The following PPM1L variants were observed in gnomAD, a reference collection of about 807,000 sequenced individuals.
PPM1L encodes protein phosphatase 1L.
A neutral mutation model predicts 31.4 loss-of-function variants in PPM1L; 13 were observed. That is an observed-to-expected ratio of 0.41 (90% CI 0.27 to 0.66). The LOEUF (loss-of-function observed/expected upper bound fraction) is 0.66, where lower values mean the gene tolerates loss of function less well. PPM1L is among the 30% of genes least tolerant of loss of function. The probability of loss-of-function intolerance (pLI) is 0.29; values close to 1 mark genes in which losing one functional copy is unlikely to be tolerated. For missense variants in PPM1L, 326 were observed against 453.7 expected (o/e 0.72, Z 2.56); for synonymous variants, 184 against 175.4 (o/e 1.05, Z -0.39).
At chr3:160,977,049 G>A (rs915646460) in intron 2 of PPM1L, among the ~76,000 whole-genome samples, 25 of 152,006 alleles carry the variant, frequency 1.6e-4, no homozygotes, top group Admixed American at 1.4e-3. Context: ...CTTTGAATGC[G>A]TCCCAGAGAT....
intron 2 of PPM1L, among the ~76,000 whole-genome samples, chr3:161,042,219 C>G (rs1718932964): frequency 6.6e-6 from 1 of 152,160 alleles, no homozygotes; most frequent in Non-Finnish European, 1.5e-5. Flanking sequence ...CTTTGGCCTC[C>G]CATTAAGCTG....
intron 1 of PPM1L, among the ~76,000 whole-genome samples, chr3:160,936,907 T>C (rs556407078): frequency 6.6e-6 from 1 of 152,364 alleles, no homozygotes; most frequent in Admixed American, 6.5e-5. Context: ...TGAATTTCAC[T>C]TGAAAAAACC....
At chr3:160,982,663 T>C (rs1716837840) in intron 2 of PPM1L, among the ~76,000 whole-genome samples, 1 of 152,212 alleles carries the variant, frequency 6.6e-6, no homozygotes, top group South Asian at 2.1e-4. Context: ...GCCTTTTGTA[T>C]TGTGTAGAGA....
chr3:161,033,066 AG>A (rs869160107), intron 2 of PPM1L, among the ~76,000 whole-genome samples: 1 of 72,142 alleles, frequency 1.4e-5, no homozygotes, highest in East Asian at 1.4e-3. Flanking sequence ...GTATCCTTTG[AG>A]ATAAGAGTCA....
At chr3:160,890,332 G>A (rs1713091791) in intron 1 of PPM1L, among the ~76,000 whole-genome samples, 1 of 152,036 alleles carries the variant, frequency 6.6e-6, no homozygotes, top group African/African-American at 2.4e-5. Flanking sequence ...TCACAAGCAT[G>A]CCTTTACACC....
intron 1 of PPM1L, chr3:160,882,419 AGTT>A (rs1712754354): frequency 6.6e-6 from 1 of 152,234 alleles, no homozygotes; most frequent in African/African-American, 2.4e-5. Flanking sequence ...GGATCAAGAT[AGTT>A]ATTAAACTGT....
chr3:161,048,523 G>A lies in PPM1L; in HGVS notation c.575-16880G>A, dbSNP rs183824452. ...CAACCATTGTGGAAGACAGTGTGGC[G>A]ATTCCTCAAGGATCTAGAACTAGAA... On this transcript the variant is annotated intron_variant, in intron 2 of 3. Transcript: ENST00000498165. 5.3e-3 allele frequency among the ~76,000 whole-genome samples: 811 copies of A among 152,222 alleles called. 7 individuals carry two copies. The highest frequency in any genetic ancestry group is 0.018 in the African/African-American group (752 of 41,516).
At chr3:160,830,406 A>G (rs1713489962) in intron 1 of PPM1L, among the ~76,000 whole-genome samples, 1 of 152,174 alleles carries the variant, frequency 6.6e-6, no homozygotes, top group Non-Finnish European at 1.5e-5. Context: ...ACTAGCATGC[A>G]TCCTAGTGGA....
chr3:161,034,091 A>G (rs952673333), intron 2 of PPM1L, among the ~76,000 whole-genome samples: 5 of 152,392 alleles, frequency 3.3e-5, no homozygotes, highest in East Asian at 3.9e-4. Context: ...CTTATGAAAA[A>G]AAAGCTCATC....
chr3:160,791,676 A>G (rs1411170043), intron 1 of PPM1L, among the ~76,000 whole-genome samples: 1 of 152,180 alleles, frequency 6.6e-6, no homozygotes, highest in Non-Finnish European at 1.5e-5. Flanking sequence ...ATTAAACTAG[A>G]AAATAATCAG....
intron 2 of PPM1L, among the ~76,000 whole-genome samples, chr3:161,059,969 A>G (rs1719521874): frequency 6.6e-6 from 1 of 152,146 alleles, no homozygotes; most frequent in African/African-American, 2.4e-5. Context: ...CTCCAGAATC[A>G]TGAGCCAATT....
At chr3:160,831,559 G>T (rs563624589) in intron 1 of PPM1L, among the ~76,000 whole-genome samples, 2 of 152,278 alleles carry the variant, frequency 1.3e-5, no homozygotes, top group South Asian at 4.1e-4. Context: ...AGATTTCGAG[G>T]AGCAGGTGGC....
At chr3:160,870,649 A>T (rs1360796861) in intron 1 of PPM1L, 1 of 152,184 alleles carries the variant, frequency 6.6e-6, no homozygotes, top group Non-Finnish European at 1.5e-5. Context: ...TTTGGCAGGT[A>T]CTGGTGGCTT....
chr3:160,900,109 A>AT (rs200284049), intron 1 of PPM1L, among the ~76,000 whole-genome samples: 1,600 of 151,700 alleles, frequency 0.011, 27 homozygotes, highest in African/African-American at 0.037. Flanking sequence ...TCTTTGCTGT[A>AT]TTTTTTTTGC....
At chr3:160,853,535 C>T (rs1711588137) in intron 1 of PPM1L, among the ~76,000 whole-genome samples, 3 of 151,960 alleles carry the variant, frequency 2.0e-5, no homozygotes, top group Non-Finnish European at 4.4e-5. Context: ...AGATAATGAT[C>T]TCATTGTTAT....
At chr3:160,838,280 G>A (rs1044957750) in intron 1 of PPM1L, among the ~76,000 whole-genome samples, 11 of 152,154 alleles carry the variant, frequency 7.2e-5, no homozygotes, top group African/African-American at 2.4e-4. Flanking sequence ...AAAAAATTAT[G>A]TAGTAAGTTT....
At chr3:160,965,253 A>G (rs552347270) in intron 2 of PPM1L, among the ~76,000 whole-genome samples, 1 of 151,988 alleles carries the variant, frequency 6.6e-6, no homozygotes, top group Admixed American at 6.6e-5. Context: ...TCTCAAAAAA[A>G]AAAAGAAAAA....
At position 161,071,712 on chromosome 3, in the gene PPM1L, C is replaced by T. The variant is rs1719924121; in HGVS notation, c.*2555C>T. On this transcript the variant is annotated 3_prime_UTR_variant, in exon 4 of 4. Transcript: ENST00000498165. ...AAAATCAGAGTATTTTGTTCCCTTC[C>T]TTCTGGAGCTCTCTCTCCCTAGCCC... is the stretch of plus-strand genomic sequence containing the variant. 1.3e-5 allele frequency: 2 copies of T among 152,180 alleles called. No individual in the cohort carries two copies. The highest frequency in any genetic ancestry group is 4.1e-4 in the South Asian group (2 of 4,830). 9.4% of individuals were successfully genotyped at this position (152,180 alleles called of 1,614,324 possible). A position where few individuals can be genotyped will look rare whatever the true frequency, so the allele number is the denominator to read the frequency against.
At chr3:160,918,980 G>T (rs946788734) in intron 1 of PPM1L, among the ~76,000 whole-genome samples, 2 of 152,154 alleles carry the variant, frequency 1.3e-5, no homozygotes, top group African/African-American at 4.8e-5. Context: ...GGTTTAAAGT[G>T]CAGTACCAGG....
Sources: gnomAD v4.1 joint callset for allele counts (sites outside exome capture counted in the v4.1 genomes callset) on GRCh38, gnomAD v4.1.1 for gene constraint, MANE v1.5 for transcripts, NCBI Gene and HGNC (gene_info 2026-07-23, HGNC 2026-07-21) for gene names.